GTF2H3: variants seen among roughly 807,000 people sequenced by gnomAD.
The protein encoded by GTF2H3 is TFIIH basal transcription factor complex p34 subunit.
Under a neutral mutation model 51.1 loss-of-function variants are expected in GTF2H3, and 42 were observed. That is an observed-to-expected ratio of 0.82 (90% confidence interval 0.64 to 1.06). The LOEUF (loss-of-function observed/expected upper bound fraction) is 1.06, where lower values mean the gene tolerates loss of function less well. Ranked by LOEUF, GTF2H3 falls within the 50% of genes least tolerant of loss-of-function variation. The pLI is 0.00. For synonymous variants in GTF2H3, 123 were observed against 123.8 expected (o/e 0.99, Z 0.04); for missense variants, 326 against 366.1 (o/e 0.89, Z 0.89).
chr12:123,661,582 A>G lies in GTF2H3; in HGVS notation c.*1347A>G, dbSNP rs1482463918. The G allele has an allele frequency of 1.3e-5, 2 of 150,438 alleles. No homozygotes were observed. Among genetic ancestry groups the G allele is most frequent in the African/African-American group, 5.0e-5 (2 of 40,318 alleles). The allele number at this position is 150,438 out of a possible 1,614,324, so 9.3% of individuals were successfully genotyped here. A position where few individuals can be genotyped will look rare whatever the true frequency, so the allele number is the denominator to read the frequency against. ...CTTGAATCCAGGAGGCAGAGGTTGC[A>G]GTGAGCCAAGATAGCGCCTCTGTAC... On this transcript the variant is annotated 3_prime_UTR_variant, in exon 13 of 13. Coordinates refer to ENST00000543341, the MANE Select transcript of GTF2H3 (RefSeq NM_001516.5).
Position 123,660,242 on chromosome 12 carries a change from A to C in GTF2H3, c.*7A>C, listed in dbSNP as rs1182911518. 6.3e-7 allele frequency: 1 copy of C among 1,595,554 alleles called. No individual in the cohort carries two copies. Among genetic ancestry groups the C allele is most frequent in the Admixed American group, 1.7e-5 (1 of 57,678 alleles). Reference sequence around the variant, plus strand: ...ACTGAAAGTGTCTGCCTGAGGATAAAATATTTTCCCCATCTTTTAGAGCTG... The same window carrying C: ...ACTGAAAGTGTCTGCCTGAGGATAACATATTTTCCCCATCTTTTAGAGCTG... On this transcript the variant is annotated 3_prime_UTR_variant, in exon 13 of 13. Transcript: ENST00000543341.
intron 1 of GTF2H3, 43 bp from the exon 2 acceptor site, chr12:123,639,221 T>A (rs1396381845): frequency 5.4e-6 from 5 of 921,156 alleles, no homozygotes; most frequent in Non-Finnish European, 8.8e-6. Context: ...TTCATTTTTA[T>A]GGAGCTAATG....
chr12:123,648,420 C>T (rs1955478442), intron 4 of GTF2H3: 2 of 199,892 alleles, frequency 1.0e-5, no homozygotes, highest in East Asian at 1.2e-4. Flanking sequence ...GCTTTTCCTT[C>T]ATCTTGTCTC....
chr12:123,649,793 C>G (rs766718998), intron 4 of GTF2H3: 2 of 152,174 alleles, frequency 1.3e-5, no homozygotes, highest in Non-Finnish European at 2.9e-5. Flanking sequence ...GTAATGGAGA[C>G]TGTTCTAAAA....
chr12:123,650,799 T>C lies in GTF2H3; in HGVS notation c.365-195T>C, dbSNP rs528643584. 5.9e-5 allele frequency among the ~76,000 whole-genome samples: 9 copies of C among 152,322 alleles called. No individual in the cohort carries two copies. The South Asian group carries it at 1.9e-3, about 32-fold the overall frequency. The stretch of plus-strand genomic sequence containing the variant: ...CAGGATGTTTTACATTGAGAAAAGG[T>C]TAAAAAGTTGCTTAGTTAACCATTA... On this transcript the variant is annotated intron_variant, in intron 4 of 12. Transcript: ENST00000543341.
chr12:123,652,584 G>A, intron 6 of GTF2H3, 23 bp downstream of exon 6: 1 of 1,510,946 alleles, frequency 6.6e-7, no homozygotes, highest in Non-Finnish European at 9.0e-7. Flanking sequence ...GTTTTCCTAT[G>A]AGAACTGTAA....
Position 123,660,456 on chromosome 12 carries a change from C to T in GTF2H3, c.*221C>T. Reference sequence around the variant, plus strand: ...CATTATATCCTAAAATATTCTATGACTGGTTTCTGTCCATGTTTGTGGCTT... The same window carrying T: ...CATTATATCCTAAAATATTCTATGATTGGTTTCTGTCCATGTTTGTGGCTT... On this transcript the variant is annotated 3_prime_UTR_variant, in exon 13 of 13. Coordinates refer to ENST00000543341, the MANE Select transcript of GTF2H3 (RefSeq NM_001516.5). 2.5e-6 allele frequency: 1 copy of T among 400,254 alleles called. No homozygotes were observed. 24.8% of individuals were successfully genotyped at this position (400,254 alleles called of 1,614,324 possible).
At position 123,654,350 on chromosome 12, in the gene GTF2H3, AGTG is replaced by A. The variant is rs530165824; in HGVS notation, c.487-570_487-568del. 7.7e-3 allele frequency among the ~76,000 whole-genome samples: 1,138 copies of A among 148,606 alleles called. 10 individuals are homozygous for A. Among genetic ancestry groups the A allele is most frequent in the Non-Finnish European group, 0.012 (823 of 67,256 alleles). On this transcript the variant is annotated intron_variant, in intron 7 of 12. Coordinates refer to ENST00000543341, the MANE Select transcript of GTF2H3 (RefSeq NM_001516.5). The stretch of plus-strand genomic sequence containing the variant: ...GTGTGTGTGTTGGGTGTGTGTATTT[AGTG>A]GTGTGTGTACTTTTGGGGTACGTGT...
intron 2 of GTF2H3, among the ~76,000 whole-genome samples, chr12:123,644,143 C>T (rs1955415405): frequency 6.6e-6 from 1 of 151,746 alleles, no homozygotes; most frequent in Non-Finnish European, 1.5e-5. Flanking sequence ...CTGTTTTCTA[C>T]CTGAAGTATT....
chr12:123,654,254 A>G (rs368480452), intron 7 of GTF2H3, among the ~76,000 whole-genome samples: 86 of 81,438 alleles, frequency 1.1e-3, no homozygotes, highest in African/African-American at 4.2e-3. Context: ...TGGGGTGTGT[A>G]TATTTTGGGG....
In GTF2H3 at chr12:123,656,489, A is replaced by G. The variant is rs375193077; in HGVS notation, c.615+665A>G. Among the ~76,000 whole-genome samples, 7 of 151,948 alleles carry G rather than the reference A, an allele frequency of 4.6e-5. No individual in the cohort carries two copies. In the South Asian group the frequency reaches 6.3e-4, roughly 14 times the overall value. ...TGCCATGAATTCACATACCAGCTCTACCTCCTCAGCCCTCACATTCATTTT... is the reference window on the plus strand; with the variant it reads ...TGCCATGAATTCACATACCAGCTCTGCCTCCTCAGCCCTCACATTCATTTT... On this transcript the variant is annotated intron_variant, in intron 9 of 12. Coordinates refer to ENST00000543341, the MANE Select transcript of GTF2H3 (RefSeq NM_001516.5).
chr12:123,651,058 T>A lies in GTF2H3; in HGVS notation c.427+2T>A. The A allele has an allele frequency of 6.2e-7, 1 of 1,607,782 alleles. No homozygotes were observed. The highest frequency in any genetic ancestry group is 8.5e-7 in the Non-Finnish European group (1 of 1,174,284). On this transcript the variant is annotated splice_donor_variant, in intron 5 of 12. Coordinates refer to ENST00000543341, the MANE Select transcript of GTF2H3 (RefSeq NM_001516.5). LOFTEE classifies it high-confidence loss of function. ...GATCCCTGGCCAAAGCCCTTTGCTG[T>A]ATCCTTGGTGTCTGAATCATTTAGA...
chr12:123,641,837 A>T (rs1363257531), intron 2 of GTF2H3, among the ~76,000 whole-genome samples: 1 of 151,834 alleles, frequency 6.6e-6, no homozygotes, highest in Non-Finnish European at 1.5e-5. Context: ...TCTTCTGTAT[A>T]TTTTTAGTTT....
intron 2 of GTF2H3, chr12:123,640,050 G>T (rs1047522799): frequency 2.3e-6 from 1 of 439,194 alleles, no homozygotes; most frequent in Admixed American, 2.4e-5. Context: ...AGTAGAGATG[G>T]GGTTTTGCCA....
rs748516267 is a variant in GTF2H3 at position 123,647,919 on chromosome 12, C to T, written c.201-44C>T. On this transcript the variant is annotated intron_variant, in intron 3 of 12. Coordinates refer to ENST00000543341, the MANE Select transcript of GTF2H3 (RefSeq NM_001516.5). The stretch of plus-strand genomic sequence containing the variant: ...CATTCTGATCATGAGTGAGCCTGGG[C>T]GGTGAGGCCTGGTGTAACCAGGTTT... The T allele has an allele frequency of 1.4e-5, 20 of 1,480,736 alleles. No individual in the cohort carries two copies. In the Middle Eastern group the frequency reaches 1.0e-3, roughly 78 times the overall value. 91.7% of individuals were successfully genotyped at this position (1,480,736 alleles called of 1,614,324 possible).
chr12:123,641,414 C>T (rs12816883), intron 2 of GTF2H3, among the ~76,000 whole-genome samples: 31,219 of 151,748 alleles, frequency 0.21, 3,684 homozygotes, highest in Middle Eastern at 0.3. Flanking sequence ...TTAGTAGAGA[C>T]GGGGCTTCGC....
At chr12:123,635,568 G>A (rs555757949) in intron 1 of GTF2H3, among the ~76,000 whole-genome samples, 4 of 114,888 alleles carry the variant, frequency 3.5e-5, no homozygotes, top group East Asian at 2.2e-4. Flanking sequence ...GCAAGTCTCC[G>A]TCGCAAAAAA....
chr12:123,659,749 T>A, intron 10 of GTF2H3, 46 bp from the exon 11 acceptor site: 1 of 1,590,838 alleles, frequency 6.3e-7, no homozygotes, highest in Non-Finnish European at 8.6e-7. Context: ...TGTTATTTTT[T>A]TCCCATGTTT....
At position 123,661,139 on chromosome 12, in the gene GTF2H3, A is replaced by G. The variant is rs1490805831; in HGVS notation, c.*904A>G. ...AGACCCCATCTCTACTAAAAATTTA[A>G]ATGTATTTATTAAAACTGTTCTCTA... On this transcript the variant is annotated 3_prime_UTR_variant, in exon 13 of 13. Transcript: ENST00000543341. 6.6e-6 allele frequency: 1 copy of G among 152,152 alleles called. No homozygotes were observed. Among genetic ancestry groups the G allele is most frequent in the African/African-American group, 2.4e-5 (1 of 41,430 alleles). The allele number at this position is 152,152 out of a possible 1,614,324, so 9.4% of individuals were successfully genotyped here. A position where few individuals can be genotyped will look rare whatever the true frequency, so the allele number is the denominator to read the frequency against.
Sources: gnomAD v4.1 joint callset for allele counts (sites outside exome capture counted in the v4.1 genomes callset) on GRCh38, gnomAD v4.1.1 for gene constraint, MANE v1.5 for transcripts, NCBI Gene and HGNC (gene_info 2026-07-23, HGNC 2026-07-21) for gene names.